Variants in RPH3A observed in about 807,000 individuals in gnomAD.
RPH3A encodes rabphilin 3A, also known as rabphilin-3A.
A neutral mutation model predicts 102.2 loss-of-function variants in RPH3A; 48 were observed. That is an observed-to-expected ratio of 0.47 (90% CI 0.37 to 0.60). RPH3A has a LOEUF of 0.60. RPH3A is among the 20% of genes least tolerant of loss of function. The probability of loss-of-function intolerance (pLI) is 0.00; values close to 1 mark genes in which losing one functional copy is unlikely to be tolerated. For missense variants in RPH3A, 781 were observed against 910.1 expected (o/e 0.86, Z 1.83); for synonymous variants, 310 against 324.3 (o/e 0.96, Z 0.47).
At position 112,847,736 on chromosome 12, in the gene RPH3A, G is replaced by T. The variant is rs1352380336; in HGVS notation, c.124G>T (p.Asp42Tyr). The T allele has an allele frequency of 3.1e-6, 5 of 1,614,032 alleles. No homozygotes were observed. Among genetic ancestry groups the T allele is most frequent in the Non-Finnish European group, 4.2e-6 (5 of 1,180,020 alleles). Residue 42 changes from aspartate to tyrosine, a missense_variant, in exon 5 of 22, where the codon GAC becomes TAC. By Grantham distance (160) the Asp-to-Tyr change is radical. Around this residue, in one of 2 missense-constraint regions of RPH3A, gnomAD observed 730 missense variants for 810.0 expected, o/e 0.90. Coordinates refer to ENST00000389385, the MANE Select transcript of RPH3A (RefSeq NM_001143854.2). Reference protein sequence around the residue: ...GWSVHPGGQPDRQRKQEELTD... With the variant: ...GWSVHPGGQPYRQRKQEELTD... The stretch of plus-strand genomic sequence containing the variant: ...GTCCGTCCACCCCGGTGGTCAGCCT[G>T]ACAGGCAGAGGAAGCAGGAAGAGCT...
chr12:112,639,295 C>T (rs1592920386), intron 1 of RPH3A, among the ~76,000 whole-genome samples: 1 of 152,104 alleles, frequency 6.6e-6, no homozygotes, highest in Admixed American at 6.5e-5. Flanking sequence ...TAAAAAGCCC[C>T]ACAAAGGAAT....
chr12:112,640,370 G>T (rs1279386857), intron 1 of RPH3A, among the ~76,000 whole-genome samples: 1 of 96,778 alleles, frequency 1.0e-5, no homozygotes, highest in African/African-American at 3.7e-5. Context: ...AAAAAAAGCA[G>T]CAGGGCTCTG....
chr12:112,600,407 T>C (rs1291178978), intron 1 of RPH3A, among the ~76,000 whole-genome samples: 1 of 152,198 alleles, frequency 6.6e-6, no homozygotes, highest in Non-Finnish European at 1.5e-5. Flanking sequence ...TTTTCTGTCA[T>C]AAGGTGTGAG....
At chr12:112,723,813 C>A (rs1056265277) in intron 1 of RPH3A, among the ~76,000 whole-genome samples, 1 of 152,182 alleles carries the variant, frequency 6.6e-6, no homozygotes, top group African/African-American at 2.4e-5. Flanking sequence ...TACAGTAGTA[C>A]AGTATGGACG....
chr12:112,768,868 C>T (rs2040909501), intron 1 of RPH3A, among the ~76,000 whole-genome samples: 1 of 152,136 alleles, frequency 6.6e-6, no homozygotes, highest in African/African-American at 2.4e-5. Context: ...GCCATGATTG[C>T]TCCACTGCAC....
chr12:112,661,110 T>A (rs2040045912), intron 1 of RPH3A, among the ~76,000 whole-genome samples: 3 of 152,072 alleles, frequency 2.0e-5, no homozygotes, highest in Admixed American at 2.0e-4. Context: ...GGCAACGTGA[T>A]TATGTATGGA....
intron 1 of RPH3A, among the ~76,000 whole-genome samples, chr12:112,690,887 G>GC (rs2040301351): frequency 9.0e-6 from 1 of 111,180 alleles, no homozygotes; most frequent in South Asian, 4.3e-4. Context: ...CCAAAAGCAT[G>GC]GGGGGGATAC....
At chr12:112,621,687 G>A (rs890178657) in intron 1 of RPH3A, among the ~76,000 whole-genome samples, 3 of 152,014 alleles carry the variant, frequency 2.0e-5, no homozygotes, top group African/African-American at 4.8e-5. Flanking sequence ...CAGGAAGCTC[G>A]AACTGGGTGG....
intron 1 of RPH3A, among the ~76,000 whole-genome samples, chr12:112,651,044 A>G (rs1174117665): frequency 6.6e-6 from 1 of 151,058 alleles, no homozygotes; most frequent in Non-Finnish European, 1.5e-5. Context: ...TTTAATTTTT[A>G]ATACAACTGT....
chr12:112,716,142 C>A (rs139347935), intron 1 of RPH3A, among the ~76,000 whole-genome samples: 3 of 152,214 alleles, frequency 2.0e-5, no homozygotes, highest in South Asian at 2.1e-4. Flanking sequence ...AGGTTTTGGC[C>A]GCCTCCCTTA....
chr12:112,656,821 A>C (rs531197623), intron 1 of RPH3A, among the ~76,000 whole-genome samples: 15 of 151,880 alleles, frequency 9.9e-5, no homozygotes, highest in Admixed American at 2.0e-4. Flanking sequence ...ATATATATAT[A>C]TCTCCACATT....
chr12:112,712,986 C>T (rs536210223), intron 1 of RPH3A, among the ~76,000 whole-genome samples: 62 of 87,260 alleles, frequency 7.1e-4, no homozygotes, highest in African/African-American at 2.1e-3. Context: ...TCTTCTTCGT[C>T]GTCTTTGTCT....
chr12:112,781,192 AAACAACAAC>A (rs34648570), intron 1 of RPH3A, among the ~76,000 whole-genome samples: 4 of 150,904 alleles, frequency 2.7e-5, no homozygotes, highest in African/African-American at 7.3e-5. Flanking sequence ...AAAAAAACCA[AAACAACAAC>A]AACAACAACA....
intron 1 of RPH3A, among the ~76,000 whole-genome samples, chr12:112,618,991 C>T (rs929190931): frequency 1.3e-5 from 2 of 152,150 alleles, no homozygotes; most frequent in Admixed American, 1.3e-4. Context: ...CACTTAGCAT[C>T]GTGTTTTCAA....
intron 15 of RPH3A, 107 bp from the exon 16 acceptor site, chr12:112,883,186 C>T: frequency 1.3e-6 from 1 of 760,946 alleles, no homozygotes. Flanking sequence ...CCTGGACACT[C>T]CTATGGGGAA....
At chr12:112,871,574 A>C (rs2042708884) in intron 10 of RPH3A, among the ~76,000 whole-genome samples, 1 of 152,096 alleles carries the variant, frequency 6.6e-6, no homozygotes, top group Non-Finnish European at 1.5e-5. Context: ...TTTTTGTGTG[A>C]AAAACCAGAC....
At chr12:112,712,892 T>TTCTTCTTCC (rs2040474048) in intron 1 of RPH3A, among the ~76,000 whole-genome samples, 5 of 134,646 alleles carry the variant, frequency 3.7e-5, no homozygotes, top group Admixed American at 1.5e-4. Flanking sequence ...CTTCTTCTTC[T>TTCTTCTTCC]TCTTCTTCTT....
chr12:112,838,702 T>C (rs1041299637), intron 4 of RPH3A, among the ~76,000 whole-genome samples: 2 of 152,250 alleles, frequency 1.3e-5, no homozygotes, highest in African/African-American at 4.8e-5. Context: ...AATTTATTAA[T>C]AGAGACATCT....
intron 1 of RPH3A, among the ~76,000 whole-genome samples, chr12:112,772,291 T>C (rs1315150004): frequency 6.6e-6 from 1 of 152,104 alleles, no homozygotes; most frequent in East Asian, 1.9e-4. Context: ...GCTGATGACA[T>C]TATTTTACAA....
Sources: allele counts gnomAD v4.1 joint callset (sites outside exome capture counted in the v4.1 genomes callset), GRCh38; gene constraint gnomAD v4.1.1; regional missense constraint gnomAD v4.1.1; transcripts MANE v1.5; gene names NCBI Gene and HGNC (gene_info 2026-07-23, HGNC 2026-07-21).